WDPCP: variants seen among roughly 807,000 people sequenced by gnomAD.
WDPCP encodes the protein WD repeat-containing and planar cell polarity effector protein fritz homolog.
A neutral mutation model predicts 93.1 loss-of-function variants in WDPCP; 71 were observed. The ratio of observed to expected loss-of-function variants is 0.76; its 90% CI spans 0.63 to 0.93. WDPCP has a LOEUF of 0.93. WDPCP is among the 40% of genes least tolerant of loss of function. The probability of loss-of-function intolerance (pLI) is 0.00; values close to 1 mark genes in which losing one functional copy is unlikely to be tolerated. For missense variants in WDPCP, 844 were observed against 887.4 expected (o/e 0.95, Z 0.62); for synonymous variants, 315 against 315.0 (o/e 1.00, Z 0.00).
chr2:63,353,905 T>C (rs1251110412), intron 12 of WDPCP, among the ~76,000 whole-genome samples: 3 of 152,104 alleles, frequency 2.0e-5, no homozygotes, highest in Non-Finnish European at 4.4e-5. Context: ...TTATATGTGG[T>C]TGCCCATTCC....
At chr2:63,137,218 CTGTTGTTGT>C (rs149696628) in intron 17 of WDPCP, among the ~76,000 whole-genome samples, 8 of 151,908 alleles carry the variant, frequency 5.3e-5, no homozygotes, top group African/African-American at 1.7e-4. Flanking sequence ...TTGCCATCAT[CTGTTGTTGT>C]TGTTGTTGTT....
chr2:63,207,681 GATTTC>G (rs1368570985), intron 14 of WDPCP, among the ~76,000 whole-genome samples: 1 of 152,112 alleles, frequency 6.6e-6, no homozygotes, highest in Admixed American at 6.5e-5. Flanking sequence ...ATGCTCAGAG[GATTTC>G]ATTAGAATAT....
At chr2:63,733,221 C>T (rs1479146194) in intron 2 of WDPCP, among the ~76,000 whole-genome samples, 1 of 116,042 alleles carries the variant, frequency 8.6e-6, no homozygotes, top group Admixed American at 1.1e-4. Context: ...AAGACGGAGT[C>T]TCGCTCTGTC....
chr2:63,350,449 T>C (rs968327981), intron 12 of WDPCP, among the ~76,000 whole-genome samples: 99 of 138,592 alleles, frequency 7.1e-4, no homozygotes, highest in Non-Finnish European at 1.1e-3. Flanking sequence ...AAAAAGAAAA[T>C]AGGAAATAGA....
intron 9 of WDPCP, among the ~76,000 whole-genome samples, chr2:63,408,421 A>C (rs964402719): frequency 4.6e-5 from 7 of 152,148 alleles, no homozygotes; most frequent in Admixed American, 1.3e-4. Context: ...AGTAGCAGAA[A>C]GGCCCTGGGA....
At chr2:63,413,415 A>G (rs192449878) in intron 9 of WDPCP, among the ~76,000 whole-genome samples, 79 of 152,278 alleles carry the variant, frequency 5.2e-4, no homozygotes, top group African/African-American at 1.9e-3. Context: ...AAACTATAAA[A>G]ATTCTAGAAG....
chr2:63,717,103 A>G (rs1000857646), intron 2 of WDPCP: 1 of 323,136 alleles, frequency 3.1e-6, no homozygotes, highest in Non-Finnish European at 5.9e-6. Flanking sequence ...TGTCTCCACT[A>G]TATTCTGGAG....
Position 63,153,526 on chromosome 2 carries a change from T to C in WDPCP, c.2127A>G (p.Gly709=), listed in dbSNP as rs768479592. 5 of 1,612,714 alleles carry C rather than the reference T, an allele frequency of 3.1e-6. No individual in the cohort carries two copies. The highest frequency in any genetic ancestry group is 4.2e-6 in the Non-Finnish European group (5 of 1,179,208). Residue 709 remains glycine, a synonymous_variant, in exon 16 of 18, where the codon GGA becomes GGG. Coordinates refer to ENST00000272321, the MANE Select transcript of WDPCP (RefSeq NM_015910.7). ...RNELEKDICS[G]FLMTNTCNAE... is the part of the protein sequence containing the mutation. Reference sequence around the variant, plus strand: ...CATTACAGGTATTAGTCATCAAAAATCCAGAACAGATGTCTTTTTCAAGTT... The same window carrying C: ...CATTACAGGTATTAGTCATCAAAAACCCAGAACAGATGTCTTTTTCAAGTT...
At chr2:63,489,457 C>T (rs1428909797) in intron 2 of WDPCP, among the ~76,000 whole-genome samples, 1 of 152,018 alleles carries the variant, frequency 6.6e-6, no homozygotes, top group African/African-American at 2.4e-5. Flanking sequence ...CAGCAATGTT[C>T]CAATAATGAG....
intron 14 of WDPCP, among the ~76,000 whole-genome samples, chr2:63,231,202 G>A (rs1456709182): frequency 6.6e-6 from 1 of 152,130 alleles, no homozygotes; most frequent in Non-Finnish European, 1.5e-5. Flanking sequence ...AGCTATTTAT[G>A]ACAAACCCAC....
chr2:63,763,451 G>A lies in WDPCP; in HGVS notation n.308+50171C>T, dbSNP rs1159347044. Among the ~76,000 whole-genome samples, 14 of 149,620 alleles carry A rather than the reference G, an allele frequency of 9.4e-5. No homozygotes were observed. In the East Asian group the frequency reaches 9.8e-4, roughly 11 times the overall value. On this transcript the variant is annotated intron_variant and non_coding_transcript_variant, in intron 2 of 4. Transcript: ENST00000467687. Reference sequence around the variant, plus strand: ...TGAAAGGCAGAGGTTGCAGTGAGCCGAGATTGCGCCACTGCATTCCACCCT... The same window carrying A: ...TGAAAGGCAGAGGTTGCAGTGAGCCAAGATTGCGCCACTGCATTCCACCCT...
At chr2:63,469,784 T>A (rs1575479837) in intron 6 of WDPCP, among the ~76,000 whole-genome samples, 1 of 152,084 alleles carries the variant, frequency 6.6e-6, no homozygotes, top group African/African-American at 2.4e-5. Context: ...ATAATCTGTA[T>A]AACAAACCCC....
intron 4 of WDPCP, among the ~76,000 whole-genome samples, chr2:63,485,629 G>A (rs1401590349): frequency 6.6e-6 from 1 of 151,682 alleles, no homozygotes; most frequent in Admixed American, 6.6e-5. Flanking sequence ...AATAAATTAA[G>A]TGAAGGATAA....
intron 9 of WDPCP, among the ~76,000 whole-genome samples, chr2:63,404,934 A>C (rs1055328307): frequency 2.0e-5 from 3 of 152,228 alleles, no homozygotes; most frequent in Admixed American, 1.3e-4. Context: ...TTTAACTTTA[A>C]CAATTTGTTT....
intron 14 of WDPCP, among the ~76,000 whole-genome samples, chr2:63,251,213 A>G (rs1285743990): frequency 3.3e-5 from 5 of 152,308 alleles, no homozygotes; most frequent in Non-Finnish European, 7.3e-5. Flanking sequence ...AACAGGTATG[A>G]TAGACCACTC....
intron 14 of WDPCP, among the ~76,000 whole-genome samples, chr2:63,188,614 T>A (rs1674812693): frequency 6.6e-6 from 1 of 152,066 alleles, no homozygotes; most frequent in Admixed American, 6.5e-5. Flanking sequence ...GATCAGAGGC[T>A]TGAGCCATCA....
chr2:63,724,906 G>C (rs969189885), intron 2 of WDPCP, among the ~76,000 whole-genome samples: 2 of 152,142 alleles, frequency 1.3e-5, no homozygotes, highest in African/African-American at 2.4e-5. Context: ...ACTCATATTT[G>C]CTTCTTGAAT....
chr2:63,782,751 T>C (rs539544271), intron 2 of WDPCP, among the ~76,000 whole-genome samples: 27 of 147,576 alleles, frequency 1.8e-4, no homozygotes, highest in African/African-American at 5.8e-4. Flanking sequence ...TGTGTGTGTG[T>C]GTGTGTGTGT....
chr2:63,734,093 G>T (rs2103832991), intron 2 of WDPCP, among the ~76,000 whole-genome samples: 1 of 152,166 alleles, frequency 6.6e-6, no homozygotes, highest in Non-Finnish European at 1.5e-5. Flanking sequence ...CCATTTTATG[G>T]CAAAACAATA....
Sources: gnomAD v4.1 joint callset for allele counts (sites outside exome capture counted in the v4.1 genomes callset) on GRCh38, gnomAD v4.1.1 for gene constraint, MANE v1.5 for transcripts, NCBI Gene and HGNC (gene_info 2026-07-23, HGNC 2026-07-21) for gene names.